The following ABCB7 variants were observed in gnomAD, a reference collection of about 807,000 sequenced individuals.
The protein encoded by ABCB7 is iron-sulfur clusters transporter ABCB7, mitochondrial.
Under a neutral mutation model 54.4 loss-of-function variants are expected in ABCB7, and 7 were observed. The ratio of observed to expected loss-of-function variants is 0.13; its 90% CI spans 0.07 to 0.24. The LOEUF is 0.24. Among genes scored for constraint, ABCB7 ranks in the 10% least tolerant of loss-of-function variants. The pLI is 1.00. For synonymous variants in ABCB7, 218 were observed against 207.1 expected (o/e 1.05, Z -0.45); for missense variants, 356 against 570.4 (o/e 0.62, Z 3.83).
At chrX:75,079,302 T>G (rs147781436) in intron 4 of ABCB7, among the ~76,000 whole-genome samples, 1,708 of 111,381 alleles carry the variant, frequency 0.015, 19 homozygotes, top group Non-Finnish European at 0.022. Context: ...GCCATATATG[T>G]TAAAAACGAA....
chrX:75,065,620 T>C (rs758659458), intron 12 of ABCB7, among the ~76,000 whole-genome samples: 1 of 112,123 alleles, frequency 8.9e-6, no homozygotes, highest in African/African-American at 3.2e-5. Flanking sequence ...TTCCATACTA[T>C]GGAAATGTCA....
At chrX:75,155,733 A>C (rs1000391902) in intron 1 of ABCB7, among the ~76,000 whole-genome samples, 1 of 111,565 alleles carries the variant, frequency 9.0e-6, no homozygotes, top group African/African-American at 3.3e-5. Flanking sequence ...ACCACAGATA[A>C]ACTGTCCCAA....
At chrX:75,070,316 T>C (rs369332122) in intron 10 of ABCB7, 49 bp downstream of exon 10, 23 of 1,106,758 alleles carry the variant, frequency 2.1e-5, no homozygotes, top group Non-Finnish European at 2.6e-5. Flanking sequence ...ATCCTACTAA[T>C]AGGATGATGT....
chrX:75,135,995 G>GA (rs139245685), intron 1 of ABCB7, among the ~76,000 whole-genome samples: 2 of 101,885 alleles, frequency 2.0e-5, no homozygotes, highest in African/African-American at 7.2e-5. Context: ...TCAGGCAAGA[G>GA]AAAAAAAAAA....
chrX:75,117,317 GACTAT>G lies in ABCB7; in HGVS notation c.169-2491_169-2487del, dbSNP rs759349826. ...GTATCTTTCTGGAGACCACCGAAGGGACTATACTAAAGAAACCCGACCCAAAGGAA... is the reference window on the plus strand; with the variant it reads ...GTATCTTTCTGGAGACCACCGAAGGGACTAAAGAAACCCGACCCAAAGGAA... On this transcript the variant is annotated intron_variant, in intron 1 of 15. Transcript: ENST00000373394. Among the ~76,000 whole-genome samples, 289 of 110,645 alleles carry G rather than the reference GACTAT, an allele frequency of 2.6e-3. 1 individual carries two copies. Among genetic ancestry groups the G allele is most frequent in the African/African-American group, 9.0e-3 (274 of 30,386 alleles).
At chrX:75,134,163 G>A (rs2081993653) in intron 1 of ABCB7, among the ~76,000 whole-genome samples, 1 of 111,522 alleles carries the variant, frequency 9.0e-6, no homozygotes, top group Non-Finnish European at 1.9e-5. Context: ...AAAACGAAAA[G>A]AGCAGGGCTT....
At chrX:75,123,780 A>C (rs1168742276) in intron 1 of ABCB7, among the ~76,000 whole-genome samples, 1 of 111,061 alleles carries the variant, frequency 9.0e-6, no homozygotes, top group Non-Finnish European at 1.9e-5. Context: ...ATGGTAAATG[A>C]GATTGTTTTC....
At chrX:75,104,012 C>T (rs760450755) in intron 3 of ABCB7, among the ~76,000 whole-genome samples, 49 of 85,597 alleles carry the variant, frequency 5.7e-4, no homozygotes, top group South Asian at 1.3e-3. Context: ...ATGTTGAATA[C>T]GAGTAGTGAA....
intron 15 of ABCB7, among the ~76,000 whole-genome samples, chrX:75,055,429 G>A (rs776881244): frequency 1.3e-4 from 14 of 106,582 alleles, no homozygotes; most frequent in Admixed American, 2.0e-4. Flanking sequence ...AACAATGGCC[G>A]GCCATGGTGG....
In ABCB7 at chrX:75,076,589, T is replaced by G. The variant is rs748586154; in HGVS notation, c.519A>C (p.Gly173=). ...GTGCATCACTCAGGTTCAGCATGTT[T>G]CCCGACATCTGGTTGAGGCTGTCTA... ...YAVDSLNQMS[G]NMLNLSDAPN... is the part of the protein sequence containing the mutation. Residue 173 remains glycine (G), a synonymous_variant, in exon 5 of 16, where the codon GGA becomes GGC. Coordinates refer to ENST00000373394, the MANE Select transcript of ABCB7 (RefSeq NM_001271696.3). The G allele has an allele frequency of 1.7e-6, 2 of 1,210,707 alleles. No homozygotes were observed. The highest frequency in any genetic ancestry group is 2.2e-6 in the Non-Finnish European group (2 of 894,576).
intron 9 of ABCB7, 120 bp downstream of exon 9, chrX:75,071,389 C>T (rs2081362409): frequency 2.4e-6 from 2 of 820,545 alleles, no homozygotes; most frequent in Non-Finnish European, 1.8e-6. Flanking sequence ...AAAAGTACTC[C>T]AAGGATGTGA....
At chrX:75,099,605 A>C (rs760868186) in intron 3 of ABCB7, among the ~76,000 whole-genome samples, 1 of 111,105 alleles carries the variant, frequency 9.0e-6, no homozygotes, top group Non-Finnish European at 1.9e-5. Context: ...ATTTTCCAAT[A>C]ATACTTAATC....
chrX:75,153,277 C>T lies in ABCB7; in HGVS notation c.168+2828G>A, dbSNP rs758817682. The stretch of plus-strand genomic sequence containing the variant: ...TGTATTTTTAGTACAGACGAGGTTT[C>T]ACCATGTTAGCCAGGATGAATAAGT... On this transcript the variant is annotated intron_variant, in intron 1 of 15. Coordinates refer to ENST00000373394, the MANE Select transcript of ABCB7 (RefSeq NM_001271696.3). Among the ~76,000 whole-genome samples the T allele has an allele frequency of 7.2e-5, 8 of 111,045 alleles. No homozygotes were observed. In the East Asian group the frequency reaches 2.3e-3, roughly 31 times the overall value.
chrX:75,133,472 G>A (rs1044565733), intron 1 of ABCB7, among the ~76,000 whole-genome samples: 3 of 111,440 alleles, frequency 2.7e-5, no homozygotes, highest in African/African-American at 3.3e-5. Flanking sequence ...GAAATTCTGC[G>A]AGAATTCCTG....
At chrX:75,084,716 CT>C (rs2081482505) in intron 4 of ABCB7, among the ~76,000 whole-genome samples, 1 of 111,564 alleles carries the variant, frequency 9.0e-6, no homozygotes, top group Non-Finnish European at 1.9e-5. Flanking sequence ...GAGAAAATAT[CT>C]GCAAATCATA....
chrX:75,068,129 T>C (rs778153417), intron 12 of ABCB7, among the ~76,000 whole-genome samples: 30 of 107,897 alleles, frequency 2.8e-4, no homozygotes, highest in Non-Finnish European at 3.8e-4. Flanking sequence ...CTGACTAACA[T>C]GTGGGATTTT....
intron 3 of ABCB7, among the ~76,000 whole-genome samples, chrX:75,110,722 T>C (rs1023429661): frequency 1.8e-5 from 2 of 111,824 alleles, no homozygotes; most frequent in Non-Finnish European, 3.8e-5. Context: ...AGCATATAAA[T>C]AAAAATTTAA....
At chrX:75,105,040 C>A (rs1047169038) in intron 3 of ABCB7, among the ~76,000 whole-genome samples, 1 of 111,198 alleles carries the variant, frequency 9.0e-6, no homozygotes, top group Non-Finnish European at 1.9e-5. Flanking sequence ...TCAAAATAAT[C>A]AAAGCCACAT....
At chrX:75,090,673 A>G (rs922721479) in intron 4 of ABCB7, among the ~76,000 whole-genome samples, 1 of 111,073 alleles carries the variant, frequency 9.0e-6, no homozygotes, top group Non-Finnish European at 1.9e-5. Flanking sequence ...AAAAAAGGAA[A>G]TCAACAAAAC....
Sources: allele counts gnomAD v4.1 joint callset (sites outside exome capture counted in the v4.1 genomes callset), GRCh38; gene constraint gnomAD v4.1.1; transcripts MANE v1.5; gene names NCBI Gene and HGNC (gene_info 2026-07-23, HGNC 2026-07-21).